Variants in KANSL1 observed in about 807,000 individuals in gnomAD.
KANSL1 encodes the protein MLL1/MLL complex subunit KANSL1.
In KANSL1, 22 loss-of-function variants were observed where a neutral mutation model predicts 103.6. That is an observed-to-expected ratio of 0.21 (90% CI 0.15 to 0.30). The LOEUF is 0.30. KANSL1 is among the 10% of genes least tolerant of loss of function. The pLI, the probability that KANSL1 is intolerant of heterozygous loss-of-function variation, is 1.00. For synonymous variants in KANSL1, 600 were observed against 527.6 expected, an observed-to-expected ratio of 1.14 and a Z score of -1.88; for missense variants, 1,337 against 1,399.8, an observed-to-expected ratio of 0.96 and a Z score of 0.72.
chr17:46,091,664 T>G (rs2079393371), intron 3 of KANSL1, among the ~76,000 whole-genome samples: 2 of 152,208 alleles, frequency 1.3e-5, no homozygotes, highest in African/African-American at 4.8e-5. Flanking sequence ...AATACATAAA[T>G]CTTTACCACT....
intron 6 of KANSL1, among the ~76,000 whole-genome samples, chr17:46,062,355 CTTTTTTTTTTTTTT>C (rs34577730): frequency 1.0e-5 from 1 of 95,470 alleles, no homozygotes; most frequent in African/African-American, 4.1e-5. Flanking sequence ...ATAACAACAG[CTTTTTTTTTTTTTT>C]TTTTTTTTTA....
intron 1 of KANSL1, among the ~76,000 whole-genome samples, chr17:46,205,326 C>A (rs2047927071): frequency 1.3e-5 from 2 of 151,934 alleles, no homozygotes; most frequent in Admixed American, 6.6e-5. Flanking sequence ...AAGCAATAAG[C>A]AATCTGAACA....
At chr17:46,166,468 C>T (rs1452511998) in intron 2 of KANSL1, among the ~76,000 whole-genome samples, 18 of 151,320 alleles carry the variant, frequency 1.2e-4, no homozygotes, top group Admixed American at 5.9e-4. Flanking sequence ...GCCAAGATCG[C>T]GCCACTGCAC....
At chr17:46,197,309 T>C (rs1403098722), upstream of KANSL1, among the ~76,000 whole-genome samples, 4 of 152,226 alleles carry the variant, frequency 2.6e-5, no homozygotes, top group Non-Finnish European at 5.9e-5. Flanking sequence ...TATCCTCTTA[T>C]ATTCCACCAC....
chr17:46,105,949 C>CCACACA (rs2042543858), intron 2 of KANSL1, among the ~76,000 whole-genome samples: 1 of 49,240 alleles, frequency 2.0e-5, no homozygotes, highest in African/African-American at 6.5e-5. Flanking sequence ...ACACACACAC[C>CCACACA]CCCCCAGAAG....
chr17:46,127,619 A>T (rs1244103286), intron 2 of KANSL1, among the ~76,000 whole-genome samples: 2 of 152,094 alleles, frequency 1.3e-5, no homozygotes, highest in Non-Finnish European at 2.9e-5. Flanking sequence ...ATAAAAAAAT[A>T]CCAAAAAATA....
intron 1 of KANSL1, among the ~76,000 whole-genome samples, chr17:46,200,031 A>G (rs866999837): frequency 1.6e-5 from 2 of 127,122 alleles, no homozygotes; most frequent in African/African-American, 3.4e-5. Flanking sequence ...AAGTTCCTCA[A>G]TGAGTTTACA....
upstream of KANSL1, chr17:46,196,607 AT>A (rs2047618452): frequency 3.0e-6 from 1 of 332,930 alleles, no homozygotes; most frequent in Admixed American, 4.1e-5. Context: ...AATCCTGACA[AT>A]TTGTATGACT....
chr17:46,047,912 T>TC (rs1017722722), intron 7 of KANSL1, among the ~76,000 whole-genome samples: 12 of 87,640 alleles, frequency 1.4e-4, no homozygotes, highest in Non-Finnish European at 2.2e-4. Context: ...CCTTCCCCAC[T>TC]CCCCCCGCCA....
rs1023164178 is a variant in KANSL1, at chr17:46,146,832, CAAAAAAAAAAAAAA to C, written c.1289+24009_1289+24022del. ...TGGGCGACAGAGCGAGACTCCGTCT[CAAAAAAAAAAAAAA>C]AAAAAAAAAAAGAAGTTGACAGGCC... On this transcript the variant is annotated intron_variant, in intron 2 of 14. Transcript: ENST00000432791. 1.1e-4 allele frequency among the ~76,000 whole-genome samples: 4 copies of C among 37,326 alleles called. 1 individual carries two copies. The highest frequency in any genetic ancestry group is 1.2e-4 in the Non-Finnish European group (2 of 16,380). The allele number at this position is 37,326 out of a possible 152,430, so 24.5% of individuals were successfully genotyped here. A position where few individuals can be genotyped will look rare whatever the true frequency, so the allele number is the denominator to read the frequency against.
intron 6 of KANSL1, among the ~76,000 whole-genome samples, chr17:46,063,647 C>T (rs759252217): frequency 5.3e-5 from 8 of 152,190 alleles, no homozygotes; most frequent in Non-Finnish European, 1.0e-4. Context: ...GGCATTGGAA[C>T]AAAAGGATAT....
At position 46,085,422 on chromosome 17, in the gene KANSL1, T is replaced by G. The variant is rs149437035; in HGVS notation, c.1432-2880A>C. 3.0e-4 allele frequency among the ~76,000 whole-genome samples: 46 copies of G among 152,312 alleles called. No homozygotes were observed. The East Asian group carries it at 8.5e-3, about 28-fold the overall frequency. On this transcript the variant is annotated intron_variant, in intron 3 of 14. Transcript: ENST00000432791. The stretch of plus-strand genomic sequence containing the variant: ...CACGGTGATTGTATCTTACTTTCTG[T>G]GTATTTAAATCTCATTTCCAGAGCA...
upstream of KANSL1, among the ~76,000 whole-genome samples, chr17:46,198,698 C>G (rs1317371509): frequency 6.6e-6 from 1 of 152,248 alleles, no homozygotes; most frequent in Non-Finnish European, 1.5e-5. Context: ...CACCACTGCA[C>G]TCCAACCTGA....
intron 10 of KANSL1, chr17:46,034,579 A>T (rs1242791850): frequency 1.4e-5 from 5 of 352,724 alleles, no homozygotes; most frequent in Non-Finnish European, 1.6e-5. Context: ...CTGGGATCTT[A>T]ACTGTTGGGG....
At chr17:46,096,645 G>T (rs2146968346) in intron 2 of KANSL1, among the ~76,000 whole-genome samples, 1 of 148,848 alleles carries the variant, frequency 6.7e-6, no homozygotes, top group East Asian at 2.0e-4. Context: ...TTGAGACGGA[G>T]TCTTGCTCTG....
chr17:46,058,928 T>C (rs755546872), intron 6 of KANSL1, among the ~76,000 whole-genome samples: 1 of 152,026 alleles, frequency 6.6e-6, no homozygotes, highest in Non-Finnish European at 1.5e-5. Context: ...GGCACGTGTC[T>C]GTAATCTCAG....
intron 2 of KANSL1, among the ~76,000 whole-genome samples, chr17:46,145,831 G>A (rs949829626): frequency 1.3e-5 from 2 of 152,060 alleles, no homozygotes; most frequent in African/African-American, 4.8e-5. Context: ...TGAGTTCAAG[G>A]GATTCTCCTG....
intron 2 of KANSL1, among the ~76,000 whole-genome samples, chr17:46,168,569 A>G (rs1012368615): frequency 3.3e-5 from 5 of 152,022 alleles, no homozygotes; most frequent in Admixed American, 6.5e-5. Flanking sequence ...CTGGTCTCGA[A>G]CTCTCAACCT....
At position 46,184,474 on chromosome 17, in the gene KANSL1, T is replaced by TA. The variant is rs2046926990; in HGVS notation, c.-90+8348dup. On this transcript the variant is annotated intron_variant, in intron 1 of 14. Coordinates refer to ENST00000432791, the MANE Select transcript of KANSL1 (RefSeq NM_015443.4). ...GGGAAGAAAAAAGGAAAGGAGGGGGTAAACCTAAATCTAACCATTTAAAAT... is the reference window on the plus strand; with the variant it reads ...GGGAAGAAAAAAGGAAAGGAGGGGGTAAAACCTAAATCTAACCATTTAAAAT... Among the ~76,000 whole-genome samples, 3 of 152,084 alleles carry TA rather than the reference T, an allele frequency of 2.0e-5. No individual in the cohort carries two copies. The South Asian group carries it at 6.2e-4, about 31-fold the overall frequency.
Sources: allele counts gnomAD v4.1 joint callset (sites outside exome capture counted in the v4.1 genomes callset), GRCh38; gene constraint gnomAD v4.1.1; transcripts MANE v1.5; gene names NCBI Gene and HGNC (gene_info 2026-07-23, HGNC 2026-07-21).